Variants in RIPOR3 observed in about 807,000 individuals in gnomAD.
RIPOR3 encodes the protein RIPOR family member 3, also known as family with sequence similarity 65 member C.
RIPOR3 carries 95 observed loss-of-function variants against 114.3 expected under a neutral mutation model. That is an observed-to-expected ratio of 0.83 (90% CI 0.70 to 0.99). The LOEUF (loss-of-function observed/expected upper bound fraction) is 0.99. Ranked by LOEUF, RIPOR3 falls within the 50% of genes least tolerant of loss-of-function variation. RIPOR3 has a pLI of 0.00. For missense variants in RIPOR3, 1,252 were observed against 1,266.9 expected, an observed-to-expected ratio of 0.99 and a Z score of 0.18; for synonymous variants, 575 against 543.8, an observed-to-expected ratio of 1.06 and a Z score of -0.80.
At chr20:50,648,047 G>A (rs563321886) in intron 1 of RIPOR3, among the ~76,000 whole-genome samples, 5 of 151,998 alleles carry the variant, frequency 3.3e-5, no homozygotes, top group Admixed American at 1.3e-4. Context: ...AGGCCAAGAC[G>A]GGTGGATCAC....
chr20:50,625,084 T>C (rs2123203300), intron 2 of RIPOR3, among the ~76,000 whole-genome samples: 1 of 151,880 alleles, frequency 6.6e-6, no homozygotes, highest in South Asian at 2.1e-4. Context: ...TTTTTTTTTT[T>C]AATTGAGACA....
At chr20:50,589,582 C>T (rs2083044218) in intron 20 of RIPOR3, 104 bp downstream of exon 20, 1 of 1,207,578 alleles carries the variant, frequency 8.3e-7, no homozygotes, top group Non-Finnish European at 1.2e-6. Context: ...AGGCGTGAGC[C>T]ATCACGCCCA....
chr20:50,597,946 A>G (rs1014553177), intron 13 of RIPOR3, among the ~76,000 whole-genome samples: 1 of 152,110 alleles, frequency 6.6e-6, no homozygotes, highest in East Asian at 1.9e-4. Flanking sequence ...CTTGAGGGGG[A>G]CAGATCTGAA....
Position 50,677,869 on chromosome 20 carries a change from C to T in RIPOR3, c.3+13257G>A, listed in dbSNP as rs186943993. ...ATTTTTAGTAGAGACGGGGTTTCAC[C>T]ATGTTGGCCAGGCTTGTCTTGAACT... On this transcript the variant is annotated intron_variant, in intron 1 of 21. Coordinates refer to ENST00000327979, the MANE Select transcript of RIPOR3 (RefSeq NM_001290268.2). 1.8e-3 allele frequency among the ~76,000 whole-genome samples: 279 copies of T among 151,826 alleles called. 1 individual carries two copies. Among genetic ancestry groups the T allele is most frequent in the South Asian group, 8.9e-3 (43 of 4,812 alleles).
chr20:50,660,934 T>TA (rs796496184), intron 1 of RIPOR3, among the ~76,000 whole-genome samples: 32 of 145,282 alleles, frequency 2.2e-4, no homozygotes, highest in Non-Finnish European at 2.4e-4. Flanking sequence ...CCTGGCTAAT[T>TA]AAAAAAAAAA....
intron 1 of RIPOR3, among the ~76,000 whole-genome samples, chr20:50,665,479 G>T (rs1389150376): frequency 6.7e-6 from 1 of 149,536 alleles, no homozygotes; most frequent in South Asian, 2.2e-4. Context: ...GGAGGGCAGT[G>T]GTGTGATCTC....
At chr20:50,666,376 C>T (rs906010096) in intron 1 of RIPOR3, among the ~76,000 whole-genome samples, 2 of 150,178 alleles carry the variant, frequency 1.3e-5, no homozygotes, top group African/African-American at 4.9e-5. Flanking sequence ...AGGTGCCTGC[C>T]ACTACACCCA....
intron 11 of RIPOR3, among the ~76,000 whole-genome samples, chr20:50,605,758 A>G (rs887592901): frequency 2.0e-5 from 3 of 151,878 alleles, no homozygotes; most frequent in Non-Finnish European, 1.5e-5. Context: ...AGTCTGGGGC[A>G]ACAGAGCAAG....
intron 13 of RIPOR3, among the ~76,000 whole-genome samples, chr20:50,598,500 C>T (rs1029081499): frequency 6.6e-6 from 1 of 152,030 alleles, no homozygotes; most frequent in Non-Finnish European, 1.5e-5. Context: ...ATCCTAACTG[C>T]GGAGCCAAAG....
intron 1 of RIPOR3, among the ~76,000 whole-genome samples, chr20:50,690,877 C>T (rs2087189422): frequency 6.6e-6 from 1 of 152,186 alleles, no homozygotes. Flanking sequence ...TCTTAAAGAT[C>T]ACCTAGTTCA....
chr20:50,617,534 C>T (rs2123135375), intron 3 of RIPOR3, among the ~76,000 whole-genome samples: 1 of 152,068 alleles, frequency 6.6e-6, no homozygotes, highest in Middle Eastern at 3.4e-3. Flanking sequence ...CTGCCTGCCT[C>T]GGCCCCCCAA....
At position 50,602,633 on chromosome 20, in the gene RIPOR3, C is replaced by T. The variant is rs1028235646; in HGVS notation, c.1098G>A (p.Gln366=). The change falls in exon 13 of 22, where the codon CAG becomes CAA. Residue 366 remains glutamine, a synonymous_variant. Transcript: ENST00000327979. The surrounding 1 kb of genome is among the most constrained non-coding windows in gnomAD (Gnocchi z 4.3). The stretch of plus-strand genomic sequence containing the variant: ...GCAGCAAGGCCTGCTGTGTTGGCTG[C>T]TGTAGGACAGACTGGAGAGGGGACA... ...FRERYYLSVL[Q]QPTQQALLLG... 4.7e-6 allele frequency: 7 copies of T among 1,492,268 alleles called. No individual in the cohort carries two copies. Among genetic ancestry groups the T allele is most frequent in the Admixed American group, 2.3e-5 (1 of 42,694 alleles). 92.4% of individuals were successfully genotyped at this position (1,492,268 alleles called of 1,614,324 possible).
chr20:50,625,915 A>G (rs6012980), intron 2 of RIPOR3, among the ~76,000 whole-genome samples: 20,874 of 152,238 alleles, frequency 0.14, 3,599 homozygotes, highest in African/African-American at 0.4. Flanking sequence ...TTACTTCCCC[A>G]AGTGAGCCAT....
chr20:50,604,513 G>A (rs1055702670), intron 12 of RIPOR3, 132 bp downstream of exon 12: 2 of 1,324,242 alleles, frequency 1.5e-6, no homozygotes, highest in Admixed American at 5.4e-5. Flanking sequence ...AAAACACCCA[G>A]GATCGCCTCA....
intron 1 of RIPOR3, among the ~76,000 whole-genome samples, chr20:50,687,253 G>A (rs1237086886): frequency 6.6e-6 from 1 of 152,256 alleles, no homozygotes; most frequent in African/African-American, 2.4e-5. Flanking sequence ...GGGCCCACAT[G>A]CCGCTAGTGT....
intron 1 of RIPOR3, among the ~76,000 whole-genome samples, chr20:50,663,760 G>C (rs1232344876): frequency 6.6e-6 from 1 of 152,108 alleles, no homozygotes; most frequent in Non-Finnish European, 1.5e-5. Context: ...CTAGATTGGT[G>C]CCAGCCATTT....
At chr20:50,591,114 C>CG (rs969789353) in intron 19 of RIPOR3, among the ~76,000 whole-genome samples, 15 of 151,878 alleles carry the variant, frequency 9.9e-5, no homozygotes, top group African/African-American at 3.6e-4. Context: ...GAGAAAGAAA[C>CG]GGGGAAAAAA....
At chr20:50,679,135 A>AAAAAAAAAAAT (rs2086773516) in intron 1 of RIPOR3, among the ~76,000 whole-genome samples, 1 of 20,776 alleles carries the variant, frequency 4.8e-5, no homozygotes, top group African/African-American at 1.3e-4. Flanking sequence ...AAAAAAAAAA[A>AAAAAAAAAAAT]ATATATATAT....
intron 18 of RIPOR3, 64 bp from the exon 19 acceptor site, chr20:50,592,610 G>A: frequency 4.4e-6 from 6 of 1,360,426 alleles, no homozygotes; most frequent in Non-Finnish European, 4.8e-6. Flanking sequence ...ACAGCTGCAA[G>A]TTTGCTTGGC....
Sources: allele counts gnomAD v4.1 joint callset (sites outside exome capture counted in the v4.1 genomes callset), GRCh38; gene constraint gnomAD v4.1.1; non-coding constraint Gnocchi (gnomAD v3.1); transcripts MANE v1.5; gene names NCBI Gene and HGNC (gene_info 2026-07-23, HGNC 2026-07-21).